PRR14L: variants seen among roughly 807,000 people sequenced by gnomAD.
PRR14L encodes the protein proline rich 14 like.
A neutral mutation model predicts 155.0 loss-of-function variants in PRR14L; 80 were observed. The ratio of observed to expected loss-of-function variants is 0.52; its 90% CI spans 0.43 to 0.62. PRR14L has a LOEUF of 0.62. Among genes scored for constraint, PRR14L ranks in the 20% least tolerant of loss-of-function variants. The pLI is 0.00. For missense variants in PRR14L, 2,469 were observed against 2,548.0 expected, an observed-to-expected ratio of 0.97 and a Z score of 0.67; for synonymous variants, 883 against 916.0, an observed-to-expected ratio of 0.96 and a Z score of 0.65.
At chr22:31,726,222 ATG>A (rs2074716071) in intron 2 of PRR14L, among the ~76,000 whole-genome samples, 1 of 151,376 alleles carries the variant, frequency 6.6e-6, no homozygotes, top group Non-Finnish European at 1.5e-5. Flanking sequence ...CTTCTGCCTC[ATG>A]GGTTCAAGCA....
At chr22:31,698,815 G>C (rs939625968) in intron 7 of PRR14L, among the ~76,000 whole-genome samples, 2 of 150,552 alleles carry the variant, frequency 1.3e-5, no homozygotes, top group African/African-American at 4.9e-5. Flanking sequence ...CCAGCTACTC[G>C]GGAGGCTGAG....
intron 2 of PRR14L, among the ~76,000 whole-genome samples, chr22:31,727,815 C>T (rs542555110): frequency 6.6e-6 from 1 of 151,698 alleles, no homozygotes; most frequent in East Asian, 2.0e-4. Flanking sequence ...CACCCCATCT[C>T]TACTAAAAAT....
Position 31,683,886 on chromosome 22 carries a change from CCACT to C in PRR14L, c.*1637_*1640del, listed in dbSNP as rs932305565. Reference sequence around the variant, plus strand: ...GAGTTGGCCAACATTCCAGGACGTGCCACTCACTCTTCTCTAATAGACTGACTTG... The same window carrying C: ...GAGTTGGCCAACATTCCAGGACGTGCCACTCTTCTCTAATAGACTGACTTG... On this transcript the variant is annotated 3_prime_UTR_variant, in exon 9 of 9. Coordinates refer to ENST00000327423, the MANE Select transcript of PRR14L (RefSeq NM_173566.3). 2 of 152,128 alleles carry C rather than the reference CCACT, an allele frequency of 1.3e-5. No homozygotes were observed. Among genetic ancestry groups the C allele is most frequent in the Non-Finnish European group, 1.5e-5 (1 of 68,054 alleles). 9.4% of individuals were successfully genotyped at this position (152,128 alleles called of 1,614,324 possible). A position where few individuals can be genotyped will look rare whatever the true frequency, so the allele number is the denominator to read the frequency against.
At position 31,681,580 on chromosome 22, in the gene PRR14L, G is replaced by A. The variant is rs1189404172; in HGVS notation, c.*3947C>T. 1 of 152,054 alleles carries A rather than the reference G, an allele frequency of 6.6e-6. No individual in the cohort carries two copies. The highest frequency in any genetic ancestry group is 1.9e-4 in the East Asian group (1 of 5,184). The allele number at this position is 152,054 out of a possible 1,614,324, so 9.4% of individuals were successfully genotyped here. The stretch of plus-strand genomic sequence containing the variant: ...AGGAGATGCTGAGGCCTCTCACCAA[G>A]AATTCAAATCCAATTCAGCACCAGA... On this transcript the variant is annotated 3_prime_UTR_variant, in exon 9 of 9. Transcript: ENST00000327423.
chr22:31,739,630 T>G (rs1328404355), intron 1 of PRR14L, among the ~76,000 whole-genome samples: 1 of 152,210 alleles, frequency 6.6e-6, no homozygotes, highest in Non-Finnish European at 1.5e-5. Context: ...GCTTCTTGTT[T>G]TAGATCCTAA....
At position 31,713,696 on chromosome 22, in the gene PRR14L, C is replaced by T. The variant is rs750263777; in HGVS notation, c.4143G>A (p.Gly1381=). 3.5e-5 allele frequency: 55 copies of T among 1,552,070 alleles called. No homozygotes were observed. The South Asian group carries it at 6.1e-4, about 17-fold the overall frequency. Residue 1381 remains glycine, a synonymous_variant, in exon 4 of 9, where the codon GGG becomes GGA. Transcript: ENST00000327423. ...NISQTHFKCR[G]ILNHAEKQQS... ...GCTGTTTTTCAGCATGATTAAGTAT[C>T]CCCCGGCATTTAAAATGGGTCTGAG...
chr22:31,733,215 C>A (rs936418447), intron 2 of PRR14L, among the ~76,000 whole-genome samples: 16 of 151,746 alleles, frequency 1.1e-4, no homozygotes, highest in African/African-American at 3.4e-4. Flanking sequence ...TCTCGAACTC[C>A]TGACCTCAGA....
At chr22:31,698,044 A>G (rs1179396798) in intron 7 of PRR14L, among the ~76,000 whole-genome samples, 1 of 143,804 alleles carries the variant, frequency 7.0e-6, no homozygotes, top group African/African-American at 2.5e-5. Flanking sequence ...ATCTGATCCT[A>G]TAAGATGTTG....
At chr22:31,685,866 G>A (rs896325287) in intron 8 of PRR14L, 63 bp from the exon 9 acceptor site, 1 of 1,463,532 alleles carries the variant, frequency 6.8e-7, no homozygotes, top group Admixed American at 2.1e-5. Context: ...CTGTCAACAG[G>A]GTCAGGATGT....
chr22:31,742,769 T>C (rs759931877), intron 1 of PRR14L, among the ~76,000 whole-genome samples: 5 of 152,192 alleles, frequency 3.3e-5, no homozygotes, highest in Non-Finnish European at 7.3e-5. Context: ...TGTACACAAA[T>C]GTCTTTAGCA....
chr22:31,745,791 G>A (rs1018917611), intron 1 of PRR14L, among the ~76,000 whole-genome samples: 5 of 150,862 alleles, frequency 3.3e-5, no homozygotes, highest in African/African-American at 9.8e-5. Context: ...AGGTTGCAGC[G>A]AGCAGAGATC....
At chr22:31,726,268 T>C (rs574866172) in intron 2 of PRR14L, among the ~76,000 whole-genome samples, 7 of 151,910 alleles carry the variant, frequency 4.6e-5, no homozygotes, top group African/African-American at 1.7e-4. Flanking sequence ...GCATCTGGGA[T>C]TACAGGCGCC....
In PRR14L at chr22:31,738,847, C is replaced by A. The variant is rs1569500917; in HGVS notation, c.14G>T (p.Gly5Val). The change falls in exon 2 of 9, where the codon GGA becomes GTA. Residue 5 changes from glycine to valine, a missense_variant. Gly to Val is a moderately radical substitution (Grantham distance 109). This residue lies in a region of PRR14L where 2,363 missense variants were observed against 2,371.6 expected (regional missense o/e 1.00). Coordinates refer to ENST00000327423, the MANE Select transcript of PRR14L (RefSeq NM_173566.3). ...AAGTGGAACTGGCTGAGTCTCTACT[C>A]CAGATGACAGCATTAGGACAGATGC... MLSS[G>V]VETQPVPLDS... 1 of 1,540,448 alleles carries A rather than the reference C, an allele frequency of 6.5e-7. No homozygotes were observed. The highest frequency in any genetic ancestry group is 2.0e-5 in the Admixed American group (1 of 50,958).
At position 31,713,969 on chromosome 22, in the gene PRR14L, A is replaced by G. The variant is rs374096087; in HGVS notation, c.3870T>C (p.Asp1290=). The G allele has an allele frequency of 1.3e-6, 2 of 1,551,736 alleles. No homozygotes were observed. Among genetic ancestry groups the G allele is most frequent in the South Asian group, 1.2e-5 (1 of 84,056 alleles). The change falls in exon 4 of 9, where the codon GAT becomes GAC. Residue 1290 remains aspartate, a synonymous_variant. Transcript: ENST00000327423. The part of the protein sequence containing the change: ...LPEMKEIVSR[D]WSNSSDRDSV... ...TGTCTCTGTCACTAGAATTACTCCAATCTCTTGATACTATTTCCTTCATCT... is the reference window on the plus strand; with the variant it reads ...TGTCTCTGTCACTAGAATTACTCCAGTCTCTTGATACTATTTCCTTCATCT...
In PRR14L at chr22:31,703,618, A is replaced by G. The variant is rs201953976; in HGVS notation, c.5932T>C (p.Leu1978=). The G allele has an allele frequency of 2.0e-5, 32 of 1,613,818 alleles. No individual in the cohort carries two copies. Among genetic ancestry groups the G allele is most frequent in the Middle Eastern group, 1.6e-4 (1 of 6,062 alleles). The change falls in exon 6 of 9, where the codon TTG becomes CTG. Residue 1978 remains leucine (L), a synonymous_variant. Transcript: ENST00000327423. ...GCTTTCACACCATCCAGCTCATCCA[A>G]TCCACGAACCTGGAACTCAGAGGCT... ...LSASEFQVRG[L]DELDGVKAAC...
At chr22:31,693,387 C>T (rs967794603) in intron 7 of PRR14L, among the ~76,000 whole-genome samples, 1 of 152,142 alleles carries the variant, frequency 6.6e-6, no homozygotes, top group African/African-American at 2.4e-5. Context: ...ATTTAAGATT[C>T]CTCCATATCA....
chr22:31,686,996 T>A lies in PRR14L; in HGVS notation c.6179+1160A>T, dbSNP rs1366946046. 2.0e-5 allele frequency among the ~76,000 whole-genome samples: 3 copies of A among 152,210 alleles called. No individual in the cohort carries two copies. The East Asian group carries it at 5.8e-4, about 29-fold the overall frequency. ...GATTATCAGTCCTGAAGTCAGCATA[T>A]TTGGTAAAAATACAAACACAAACTA... On this transcript the variant is annotated intron_variant, in intron 8 of 8. Transcript: ENST00000327423.
chr22:31,711,156 T>A (rs1255599193), intron 4 of PRR14L, among the ~76,000 whole-genome samples: 2 of 152,214 alleles, frequency 1.3e-5, no homozygotes, highest in East Asian at 3.8e-4. Flanking sequence ...GTGTTTGTTT[T>A]CTGCAAGATG....
chr22:31,687,836 G>A (rs535080660), intron 8 of PRR14L, among the ~76,000 whole-genome samples: 1 of 151,180 alleles, frequency 6.6e-6, no homozygotes, highest in Non-Finnish European at 1.5e-5. Context: ...GAGGTCAGGA[G>A]ATCGAGACCA....
Sources: allele counts gnomAD v4.1 joint callset (sites outside exome capture counted in the v4.1 genomes callset), GRCh38; gene constraint gnomAD v4.1.1; regional missense constraint gnomAD v4.1.1; transcripts MANE v1.5; gene names NCBI Gene and HGNC (gene_info 2026-07-23, HGNC 2026-07-21).